AAMDC: variants seen among roughly 807,000 people sequenced by gnomAD.
The protein encoded by AAMDC is mth938 domain-containing protein.
A neutral mutation model predicts 15.5 loss-of-function variants in AAMDC; 16 were observed. The observed-to-expected ratio is 1.03, with a 90% CI of 0.70 to 1.57. The LOEUF (loss-of-function observed/expected upper bound fraction) is 1.57. AAMDC is among the 40% of genes most tolerant of loss of function. The pLI is 0.00. For missense variants in AAMDC, 141 were observed against 144.9 expected (o/e 0.97, Z 0.14); for synonymous variants, 51 against 51.6 (o/e 0.99, Z 0.05).
intron 2 of AAMDC, among the ~76,000 whole-genome samples, chr11:77,853,444 T>C (rs1017396558): frequency 6.6e-6 from 1 of 151,782 alleles, no homozygotes; most frequent in Admixed American, 6.6e-5. Flanking sequence ...TATATACTTT[T>C]AAACAACCAG....
At chr11:77,827,896 A>T (rs1430331177) in intron 1 of AAMDC, among the ~76,000 whole-genome samples, 1 of 152,232 alleles carries the variant, frequency 6.6e-6, no homozygotes, top group Non-Finnish European at 1.5e-5. Context: ...AGCTATTAGA[A>T]CAAATAGGCA....
intron 5 of AAMDC, chr11:77,891,977 G>A: frequency 7.2e-7 from 1 of 1,382,946 alleles, no homozygotes; most frequent in Non-Finnish European, 9.8e-7. Flanking sequence ...GACCAAGATA[G>A]ACTGGTACCT....
chr11:77,902,789 G>C (rs1422450611), downstream of AAMDC, among the ~76,000 whole-genome samples: 2 of 152,164 alleles, frequency 1.3e-5, 1 homozygote, highest in Non-Finnish European at 2.9e-5. Context: ...GTGCAAAGGG[G>C]AATGACTCAA....
chr11:77,899,026 A>T (rs1376105602), intron 5 of AAMDC, among the ~76,000 whole-genome samples: 4 of 152,092 alleles, frequency 2.6e-5, no homozygotes, highest in African/African-American at 7.3e-5. Context: ...TCTCATAAAT[A>T]AATAAATAAA....
intron 5 of AAMDC, among the ~76,000 whole-genome samples, chr11:77,896,140 A>T (rs1286017498): frequency 6.6e-6 from 1 of 152,216 alleles, no homozygotes; most frequent in Non-Finnish European, 1.5e-5. Flanking sequence ...GTGAGAGTTA[A>T]CAGGGGATTT....
chr11:77,859,406 G>A (rs1333131195), intron 2 of AAMDC, among the ~76,000 whole-genome samples: 1 of 152,138 alleles, frequency 6.6e-6, no homozygotes, highest in Non-Finnish European at 1.5e-5. Flanking sequence ...ATTTCCTAAT[G>A]GCTTCCTGAT....
At chr11:77,891,150 C>T (rs941785534) in intron 5 of AAMDC, among the ~76,000 whole-genome samples, 1 of 152,156 alleles carries the variant, frequency 6.6e-6, no homozygotes, top group African/African-American at 2.4e-5. Context: ...TTGCTCCAAA[C>T]CACACTCAGC....
In AAMDC at chr11:77,842,523, A is replaced by G. The variant is rs987121517; in HGVS notation, c.27A>G (p.Leu9=). Residue 9 remains leucine, a synonymous_variant, in exon 2 of 4, where the codon TTA becomes TTG. Transcript: ENST00000393427. MTSPEIAS[L]SWGQMKVKGS... is the part of the protein sequence containing the mutation. ...TGACTTCCCCTGAAATTGCTTCCTT[A>G]TCATGGGGGCAAATGAAAGTAAAAG... is the stretch of plus-strand genomic sequence containing the variant. The G allele has an allele frequency of 2.4e-5, 39 of 1,614,012 alleles. No individual in the cohort carries two copies. Among genetic ancestry groups the G allele is most frequent in the Non-Finnish European group, 3.2e-5 (38 of 1,179,988 alleles).
intron 2 of AAMDC, among the ~76,000 whole-genome samples, chr11:77,860,607 C>T (rs1950835418): frequency 6.6e-6 from 1 of 152,138 alleles, no homozygotes; most frequent in Non-Finnish European, 1.5e-5. Flanking sequence ...CAAGAGTGTC[C>T]AGGTGTGAGA....
At chr11:77,861,745 A>C (rs886496299) in intron 2 of AAMDC, among the ~76,000 whole-genome samples, 1 of 152,132 alleles carries the variant, frequency 6.6e-6, no homozygotes, top group African/African-American at 2.4e-5. Context: ...CGTGTTCCAG[A>C]GCCTCCAAAG....
At chr11:77,890,708 A>G (rs1353799217) in intron 5 of AAMDC, among the ~76,000 whole-genome samples, 1 of 152,232 alleles carries the variant, frequency 6.6e-6, no homozygotes, top group Non-Finnish European at 1.5e-5. Flanking sequence ...CACTTAGTGC[A>G]TGCAATAGAG....
chr11:77,823,621 C>CAA (rs397970373), intron 1 of AAMDC, among the ~76,000 whole-genome samples: 5,012 of 97,102 alleles, frequency 0.052, 265 homozygotes, highest in African/African-American at 0.095. Flanking sequence ...CACCCTGTCT[C>CAA]AAAAAAAAAA....
At position 77,894,251 on chromosome 11, in the gene AAMDC, C is replaced by G. The variant is rs1289749711; in HGVS notation, c.329-6320C>G. 4 of 1,132,548 alleles carry G rather than the reference C, an allele frequency of 3.5e-6. No individual in the cohort carries two copies. The African/African-American group carries it at 4.7e-5, about 13-fold the overall frequency. The allele number at this position is 1,132,548 out of a possible 1,614,324, so 70.2% of individuals were successfully genotyped here. A position where few individuals can be genotyped will look rare whatever the true frequency, so the allele number is the denominator to read the frequency against. ...CCTGCAAGTGCTATACTCCATGTAA[C>G]CAAGATTTAATAAGCCAGAAGAGTT... is the stretch of plus-strand genomic sequence containing the variant. On this transcript the variant is annotated intron_variant, in intron 5 of 5. Coordinates refer to the AAMDC transcript ENST00000304716.
intron 2 of AAMDC, among the ~76,000 whole-genome samples, chr11:77,845,120 AG>A (rs1950088586): frequency 6.6e-6 from 1 of 152,254 alleles, no homozygotes; most frequent in African/African-American, 2.4e-5. Flanking sequence ...AGCTTCATGA[AG>A]ATGTAGATTA....
chr11:77,884,646 G>A (rs760929949), intron 5 of AAMDC: 3 of 220,174 alleles, frequency 1.4e-5, no homozygotes, highest in Non-Finnish European at 3.0e-5. Context: ...TTCCAATGTT[G>A]AAACTGTGGT....
intron 1 of AAMDC, among the ~76,000 whole-genome samples, chr11:77,826,660 G>A (rs912178391): frequency 4.6e-5 from 7 of 152,044 alleles, no homozygotes; most frequent in African/African-American, 1.2e-4. Flanking sequence ...CCCAGCAACC[G>A]AACCTTTGAA....
rs112571101 is a variant in AAMDC at position 77,839,421 on chromosome 11, A to G, written c.-18-3058A>G. The stretch of plus-strand genomic sequence containing the variant: ...TGGAAGACAGTGGGGCAATTCCTCA[A>G]AGACCTAGAACTAGAAATGCCATTT... On this transcript the variant is annotated intron_variant, in intron 1 of 3. Transcript: ENST00000393427. Among the ~76,000 whole-genome samples, 613 of 152,330 alleles carry G rather than the reference A, an allele frequency of 4.0e-3. 2 individuals are homozygous for G. Among genetic ancestry groups the G allele is most frequent in the African/African-American group, 0.014 (578 of 41,570 alleles).
chr11:77,854,238 C>T (rs143807777), intron 2 of AAMDC, among the ~76,000 whole-genome samples: 196 of 152,140 alleles, frequency 1.3e-3, no homozygotes, highest in African/African-American at 4.4e-3. Context: ...ATGATCCACC[C>T]GTCTCAGCCT....
chr11:77,888,740 C>A (rs1044112992), intron 5 of AAMDC, among the ~76,000 whole-genome samples: 1 of 152,118 alleles, frequency 6.6e-6, no homozygotes, highest in African/African-American at 2.4e-5. Flanking sequence ...AAAAAACAAA[C>A]AACCCCATCA....
Sources: gnomAD v4.1 joint callset for allele counts (sites outside exome capture counted in the v4.1 genomes callset) on GRCh38, gnomAD v4.1.1 for gene constraint, MANE v1.5 for transcripts, NCBI Gene and HGNC (gene_info 2026-07-23, HGNC 2026-07-21) for gene names.